UNC79: variants seen among roughly 807,000 people sequenced by gnomAD.
UNC79 encodes protein unc-79 homolog.
UNC79 carries 37 observed loss-of-function variants against 283.1 expected under a neutral mutation model. The ratio of observed to expected loss-of-function variants is 0.13; its 90% CI spans 0.10 to 0.17. The LOEUF (loss-of-function observed/expected upper bound fraction) is 0.17. Ranked by LOEUF, UNC79 falls within the 10% of genes least tolerant of loss-of-function variation. The probability of loss-of-function intolerance (pLI) is 1.00; values close to 1 mark genes in which losing one functional copy is unlikely to be tolerated. For synonymous variants in UNC79, 1,107 were observed against 1,200.2 expected, an observed-to-expected ratio of 0.92 and a Z score of 1.61; for missense variants, 2,272 against 3,211.1, an observed-to-expected ratio of 0.71 and a Z score of 7.07.
intron 5 of UNC79, among the ~76,000 whole-genome samples, chr14:93,493,895 ATATATATTTTTTT>A (rs1163027548): frequency 5.6e-5 from 2 of 35,550 alleles, no homozygotes; most frequent in Non-Finnish European, 1.1e-4. Context: ...ATATATATAT[ATATATATTTTTTT>A]TTTTTTTTTT....
intron 14 of UNC79, among the ~76,000 whole-genome samples, chr14:93,570,723 G>A (rs907709796): frequency 6.6e-6 from 1 of 152,084 alleles, no homozygotes; most frequent in African/African-American, 2.4e-5. Flanking sequence ...CATTTGCTTA[G>A]GGTAAGTGCT....
intron 42 of UNC79, among the ~76,000 whole-genome samples, chr14:93,682,902 C>T (rs756987304): frequency 2.0e-5 from 3 of 152,158 alleles, no homozygotes; most frequent in Admixed American, 6.5e-5. Flanking sequence ...GAGGATTGAA[C>T]GAGATAATGC....
At position 93,583,803 on chromosome 14, in the gene UNC79, C is replaced by CTTTT. The variant is rs386382193; in HGVS notation, c.2803+1475_2803+1478dup. Among the ~76,000 whole-genome samples, 867 of 127,152 alleles carry CTTTT rather than the reference C, an allele frequency of 6.8e-3. 11 individuals carry two copies. Among genetic ancestry groups the CTTTT allele is most frequent in the African/African-American group, 0.025 (832 of 33,414 alleles). 83.4% of individuals were successfully genotyped at this position (127,152 alleles called of 152,430 possible). On this transcript the variant is annotated intron_variant, in intron 20 of 48. Coordinates refer to ENST00000555664, the Ensembl canonical transcript of UNC79. Reference sequence around the variant, plus strand: ...TTACTCTCTTTCATATGTTGGAGGTCTTTTTTTTTTTTTTTTTTTAAGATA... The same window carrying CTTTT: ...TTACTCTCTTTCATATGTTGGAGGTCTTTTTTTTTTTTTTTTTTTTTTTAAGATA...
chr14:93,347,592 C>T (rs2053883675), intron 1 of UNC79, among the ~76,000 whole-genome samples: 1 of 151,972 alleles, frequency 6.6e-6, no homozygotes, highest in Non-Finnish European at 1.5e-5. Context: ...GGTGAGGATG[C>T]CGTCGTCGGG....
chr14:93,444,309 G>A (rs1028143492), intron 1 of UNC79, among the ~76,000 whole-genome samples: 4 of 152,012 alleles, frequency 2.6e-5, no homozygotes, highest in Admixed American at 2.0e-4. Flanking sequence ...TTTTGATTGA[G>A]TCTTAAGGGT....
chr14:93,572,940 G>T (rs892667416), intron 16 of UNC79, 124 bp downstream of exon 16: 3 of 1,272,070 alleles, frequency 2.4e-6, no homozygotes, highest in Admixed American at 2.5e-5. Flanking sequence ...TGCCAAGAAA[G>T]TGTATCTCCT....
intron 37 of UNC79, among the ~76,000 whole-genome samples, chr14:93,654,579 T>C (rs768622986): frequency 1.9e-4 from 29 of 150,528 alleles, no homozygotes; most frequent in Non-Finnish European, 3.4e-4. Flanking sequence ...AATTTAAATT[T>C]TAAAAATTAA....
At chr14:93,454,390 A>G (rs573134749) in intron 1 of UNC79, among the ~76,000 whole-genome samples, 1 of 152,312 alleles carries the variant, frequency 6.6e-6, no homozygotes, top group South Asian at 2.1e-4. Context: ...TAATTCATGT[A>G]TGAAAGCTAA....
At chr14:93,404,809 G>C (rs1029115226) in intron 1 of UNC79, among the ~76,000 whole-genome samples, 2 of 151,588 alleles carry the variant, frequency 1.3e-5, no homozygotes, top group African/African-American at 4.8e-5. Flanking sequence ...TCTTAAAGGA[G>C]ACAAGCTTAA....
At chr14:93,453,885 C>T (rs1486523323) in intron 1 of UNC79, among the ~76,000 whole-genome samples, 1 of 152,156 alleles carries the variant, frequency 6.6e-6, no homozygotes, top group African/African-American at 2.4e-5. Context: ...GTTTCTAGTA[C>T]AAGTTCTCTT....
intron 1 of UNC79, among the ~76,000 whole-genome samples, chr14:93,380,690 G>A (rs368478803): frequency 2.0e-5 from 3 of 152,164 alleles, no homozygotes; most frequent in Admixed American, 6.5e-5. Context: ...AGTACCTGGC[G>A]TGGTCTGTGG....
chr14:93,687,285 A>T (rs908539930), intron 43 of UNC79, among the ~76,000 whole-genome samples: 1 of 152,196 alleles, frequency 6.6e-6, no homozygotes, highest in African/African-American at 2.4e-5. Flanking sequence ...ACAAAATTTA[A>T]TTTGCATATG....
At chr14:93,529,735 T>C (rs2060718358) in intron 10 of UNC79, among the ~76,000 whole-genome samples, 1 of 152,140 alleles carries the variant, frequency 6.6e-6, no homozygotes, top group Non-Finnish European at 1.5e-5. Context: ...CTACTATTAC[T>C]AGTACCATGT....
intron 41 of UNC79, among the ~76,000 whole-genome samples, chr14:93,673,848 G>A (rs1002876918): frequency 6.6e-6 from 1 of 152,124 alleles, no homozygotes; most frequent in South Asian, 2.1e-4. Context: ...GAGTATGGGT[G>A]ATCCCTGAAT....
chr14:93,578,709 T>A (rs753248670), intron 18 of UNC79, among the ~76,000 whole-genome samples: 2 of 152,202 alleles, frequency 1.3e-5, no homozygotes, highest in Non-Finnish European at 2.9e-5. Flanking sequence ...AAAAGGACAT[T>A]CTCTTACATA....
At chr14:93,648,803 C>T (rs2069917259) in intron 35 of UNC79, among the ~76,000 whole-genome samples, 1 of 152,138 alleles carries the variant, frequency 6.6e-6, no homozygotes, top group South Asian at 2.1e-4. Context: ...GTAGGAGGAA[C>T]TATGAAAAAG....
intron 7 of UNC79, among the ~76,000 whole-genome samples, chr14:93,521,290 A>G (rs566742986): frequency 6.4e-4 from 98 of 152,144 alleles, no homozygotes; most frequent in Middle Eastern, 3.4e-3. Flanking sequence ...GAACTCTCAC[A>G]GTTTTTCTCT....
rs759729758 is a variant in UNC79 at position 93,690,021 on chromosome 14, C to A, written c.7086-96C>A. On this transcript the variant is annotated intron_variant, in intron 44 of 48. Transcript: ENST00000555664. This position sits in a 1 kb window ranked among gnomAD's most constrained non-coding sequence, Gnocchi z 4.3. ...TTGTTTTATGTGATTGCCTGCAAGACCACACTTTCAATCCCTTCCTTCAAT... is the reference window on the plus strand; with the variant it reads ...TTGTTTTATGTGATTGCCTGCAAGAACACACTTTCAATCCCTTCCTTCAAT... The A allele has an allele frequency of 5.8e-6, 8 of 1,384,976 alleles. No homozygotes were observed. Among genetic ancestry groups the A allele is most frequent in the Non-Finnish European group, 7.9e-6 (8 of 1,008,242 alleles). The allele number at this position is 1,384,976 out of a possible 1,614,324, so 85.8% of individuals were successfully genotyped here. A position where few individuals can be genotyped will look rare whatever the true frequency, so the allele number is the denominator to read the frequency against.
chr14:93,409,589 GAGGTAGA>G (rs1345273537), intron 1 of UNC79, among the ~76,000 whole-genome samples: 5 of 152,140 alleles, frequency 3.3e-5, no homozygotes, highest in Non-Finnish European at 7.4e-5. Flanking sequence ...AGTTACTTTT[GAGGTAGA>G]AGGATTGCAT....
Sources: allele counts gnomAD v4.1 joint callset (sites outside exome capture counted in the v4.1 genomes callset), GRCh38; gene constraint gnomAD v4.1.1; non-coding constraint Gnocchi (gnomAD v3.1); transcripts MANE v1.5; gene names NCBI Gene and HGNC (gene_info 2026-07-23, HGNC 2026-07-21).